The following RAB40B variants were observed in gnomAD, a reference collection of about 807,000 sequenced individuals.
RAB40B encodes the protein RAB40B, member RAS oncogene family, also known as ras-related protein Rab-40B.
RAB40B carries 21 observed loss-of-function variants against 24.0 expected under a neutral mutation model. The observed-to-expected ratio is 0.88, with a 90% CI of 0.62 to 1.26. The LOEUF (loss-of-function observed/expected upper bound fraction) is 1.26, where lower values mean the gene tolerates loss of function less well. RAB40B is among the 50% of genes most tolerant of loss of function. RAB40B has a pLI of 0.00. For synonymous variants in RAB40B, 167 were observed against 169.8 expected (o/e 0.98, Z 0.13); for missense variants, 348 against 390.5 (o/e 0.89, Z 0.92).
chr17:82,690,418 CAG>C (rs2046544974), intron 1 of RAB40B, among the ~76,000 whole-genome samples: 1 of 131,000 alleles, frequency 7.6e-6, no homozygotes, highest in Non-Finnish European at 1.6e-5. Context: ...TCTCAGGGAG[CAG>C]AGAGTGTGCA....
intron 1 of RAB40B, among the ~76,000 whole-genome samples, chr17:82,685,829 A>G (rs2046494227): frequency 6.8e-6 from 1 of 147,158 alleles, no homozygotes; most frequent in African/African-American, 2.5e-5. Flanking sequence ...TTTGAGACGG[A>G]GTCTCGCCCT....
At position 82,697,278 on chromosome 17, in the gene RAB40B, G is replaced by A. The variant is rs772380615; in HGVS notation, c.142+1177C>T. ...CGTGCCACACTCCCTTGGTGCTCACGCCGCCTGCCTGGAGCTGCCCTTAGG... is the reference window on the plus strand; with the variant it reads ...CGTGCCACACTCCCTTGGTGCTCACACCGCCTGCCTGGAGCTGCCCTTAGG... On this transcript the variant is annotated intron_variant, in intron 1 of 5. Transcript: ENST00000571995. The surrounding 1 kb of genome is among the most constrained non-coding windows in gnomAD (Gnocchi z 4.9). 2.6e-5 allele frequency among the ~76,000 whole-genome samples: 4 copies of A among 152,052 alleles called. No homozygotes were observed. Among genetic ancestry groups the A allele is most frequent in the Non-Finnish European group, 5.9e-5 (4 of 68,004 alleles).
rs1182180092 is a variant in RAB40B at position 82,667,012 on chromosome 17, C to T, written c.143-2456G>A. ...GAGAGGCCGAGGGGAGAAGCAGCGC[C>T]GAGGCTCGCACCAGACCTCACCCTG... On this transcript the variant is annotated intron_variant, in intron 1 of 5. Coordinates refer to ENST00000571995, the MANE Select transcript of RAB40B (RefSeq NM_006822.3). The surrounding 1 kb of genome is among the most constrained non-coding windows in gnomAD (Gnocchi z 4.3). 3.3e-5 allele frequency among the ~76,000 whole-genome samples: 5 copies of T among 152,194 alleles called. No individual in the cohort carries two copies. The highest frequency in any genetic ancestry group is 1.2e-4 in the African/African-American group (5 of 41,436).
rs962463341 is a variant in RAB40B, at chr17:82,686,044, T to C, written c.142+12411A>G. 4.0e-5 allele frequency among the ~76,000 whole-genome samples: 6 copies of C among 151,418 alleles called. No individual in the cohort carries two copies. In the East Asian group the frequency reaches 7.8e-4, roughly 20 times the overall value. On this transcript the variant is annotated intron_variant, in intron 1 of 5. Transcript: ENST00000571995. ...GTCTCAAACTGCTGAACTCGTGATC[T>C]GCCCGCCTTGGCCTCCCAAAGTGCT...
At chr17:82,686,104 CTTT>C (rs35256137) in intron 1 of RAB40B, among the ~76,000 whole-genome samples, 16 of 123,382 alleles carry the variant, frequency 1.3e-4, no homozygotes, top group Non-Finnish European at 1.2e-4. Context: ...ACCCAGCCTT[CTTT>C]TTTTTTTTTT....
At chr17:82,679,848 C>CA (rs1405115281) in intron 1 of RAB40B, among the ~76,000 whole-genome samples, 1 of 135,516 alleles carries the variant, frequency 7.4e-6, no homozygotes, top group Non-Finnish European at 1.6e-5. Context: ...GGCCCAGAAG[C>CA]AGTGTCCTGG....
intron 2 of RAB40B, chr17:82,662,467 C>T (rs2046186325): frequency 2.0e-6 from 2 of 985,326 alleles, no homozygotes; most frequent in South Asian, 9.4e-5. Context: ...TCCTGGGCCG[C>T]TGCCACCCTG....
At chr17:82,680,381 C>T (rs1264474272) in intron 1 of RAB40B, among the ~76,000 whole-genome samples, 12 of 152,134 alleles carry the variant, frequency 7.9e-5, no homozygotes, top group Admixed American at 5.9e-4. Context: ...GCTCGGGGGA[C>T]GGGACGGCAG....
chr17:82,687,932 C>A (rs1343070867), intron 1 of RAB40B, among the ~76,000 whole-genome samples: 1 of 152,126 alleles, frequency 6.6e-6, no homozygotes, highest in Non-Finnish European at 1.5e-5. Flanking sequence ...ATTAGCCGGG[C>A]ATGGTGGCAT....
At chr17:82,678,879 GT>G (rs35848277) in intron 1 of RAB40B, among the ~76,000 whole-genome samples, 11,087 of 98,736 alleles carry the variant, frequency 0.11, 175 homozygotes, top group Middle Eastern at 0.18. Flanking sequence ...CCCTTTCTGC[GT>G]TTTTTTTTTT....
intron 1 of RAB40B, chr17:82,696,578 T>C (rs1275600125): frequency 6.1e-6 from 1 of 165,198 alleles, no homozygotes; most frequent in African/African-American, 2.4e-5. Flanking sequence ...AGGCGCTCAA[T>C]CTCCAGCCCT....
chr17:82,670,249 G>A (rs1354616779), intron 1 of RAB40B, among the ~76,000 whole-genome samples: 1 of 138,734 alleles, frequency 7.2e-6, no homozygotes, highest in Non-Finnish European at 1.5e-5. Context: ...GCAGTGACGT[G>A]ATCTCGCTCA....
At position 82,668,853 on chromosome 17, in the gene RAB40B, C is replaced by T. The variant is rs565454269; in HGVS notation, c.143-4297G>A. 3.3e-5 allele frequency among the ~76,000 whole-genome samples: 5 copies of T among 152,364 alleles called. No individual in the cohort carries two copies. The South Asian group carries it at 8.3e-4, about 25-fold the overall frequency. The stretch of plus-strand genomic sequence containing the variant: ...CGTGGATCGAGAGGCCCAGCCATGC[C>T]TCCGCTGCAGCCGGCATCTTGGCAG... On this transcript the variant is annotated intron_variant, in intron 1 of 5. Transcript: ENST00000571995.
chr17:82,681,995 C>A (rs1401293901), intron 1 of RAB40B, among the ~76,000 whole-genome samples: 1 of 151,946 alleles, frequency 6.6e-6, no homozygotes, highest in African/African-American at 2.4e-5. Context: ...CCACTCTTAC[C>A]ACTCCAATTC....
At chr17:82,660,114 T>C (rs1190029260) in intron 3 of RAB40B, among the ~76,000 whole-genome samples, 1 of 148,660 alleles carries the variant, frequency 6.7e-6, no homozygotes, top group Non-Finnish European at 1.5e-5. Flanking sequence ...ACAGTGCACA[T>C]ACCTGCACAC....
rs370354454 is a variant in RAB40B at position 82,658,135 on chromosome 17, C to T, written c.566-1G>A. Reference sequence around the variant, plus strand: ...CAGCAGAGGTCTTGCAAGCTCAGCACTTGGGAGAGAAAAGATAAACCTTGC... The same window carrying T: ...CAGCAGAGGTCTTGCAAGCTCAGCATTTGGGAGAGAAAAGATAAACCTTGC... On this transcript the variant is annotated splice_acceptor_variant, in intron 5 of 5. Transcript: ENST00000571995. LOFTEE classifies it high-confidence loss of function. The T allele has an allele frequency of 6.2e-7, 1 of 1,612,838 alleles. No homozygotes were observed. Among genetic ancestry groups the T allele is most frequent in the Non-Finnish European group, 8.5e-7 (1 of 1,179,346 alleles).
At chr17:82,665,469 G>T (rs1309324512) in intron 1 of RAB40B, among the ~76,000 whole-genome samples, 1 of 152,122 alleles carries the variant, frequency 6.6e-6, no homozygotes, top group African/African-American at 2.4e-5. Context: ...TCCCAGGCTG[G>T]TCTCAAACGC....
In RAB40B at chr17:82,675,748, C is replaced by T. The variant is rs954309497; in HGVS notation, c.143-11192G>A. ...CACTCATCCCATCCACAAAGCCCCA[C>T]GTGACCTAATCATCTTCCAATAGCC... On this transcript the variant is annotated intron_variant, in intron 1 of 5. Coordinates refer to ENST00000571995, the MANE Select transcript of RAB40B (RefSeq NM_006822.3). The surrounding 1 kb of genome is among the most constrained non-coding windows in gnomAD (Gnocchi z 4.5). Among the ~76,000 whole-genome samples the T allele has an allele frequency of 6.6e-5, 10 of 152,292 alleles. No individual in the cohort carries two copies. The highest frequency in any genetic ancestry group is 4.1e-4 in the South Asian group (2 of 4,824).
chr17:82,665,166 T>C (rs2046239313), intron 1 of RAB40B, among the ~76,000 whole-genome samples: 1 of 152,068 alleles, frequency 6.6e-6, no homozygotes, highest in Non-Finnish European at 1.5e-5. Context: ...GGGTGCAGAT[T>C]ACAGGTAGGC....
Sources: allele counts gnomAD v4.1 joint callset (sites outside exome capture counted in the v4.1 genomes callset), GRCh38; gene constraint gnomAD v4.1.1; non-coding constraint Gnocchi (gnomAD v3.1); transcripts MANE v1.5; gene names NCBI Gene and HGNC (gene_info 2026-07-23, HGNC 2026-07-21).